The following GABRB1 variants were observed in gnomAD, a reference collection of about 807,000 sequenced individuals.
GABRB1 encodes the protein gamma-aminobutyric acid type A receptor subunit beta1.
GABRB1 carries 17 observed loss-of-function variants against 51.6 expected under a neutral mutation model. That is an observed-to-expected ratio of 0.33 (90% CI 0.23 to 0.49). GABRB1 has a LOEUF of 0.49. Ranked by LOEUF, GABRB1 falls within the 20% of genes least tolerant of loss-of-function variation. The pLI is 0.99. For missense variants in GABRB1, 410 were observed against 600.6 expected (o/e 0.68, Z 3.32); for synonymous variants, 247 against 218.9 (o/e 1.13, Z -1.14).
At chr4:47,419,347 A>ATG (rs1560378098) in intron 8 of GABRB1, among the ~76,000 whole-genome samples, 1 of 152,114 alleles carries the variant, frequency 6.6e-6, no homozygotes, top group Non-Finnish European at 1.5e-5. Context: ...CCCCTCTAAG[A>ATG]CTTGTCTGTG....
intron 4 of GABRB1, among the ~76,000 whole-genome samples, chr4:47,170,772 G>A (rs1718405720): frequency 6.6e-6 from 1 of 152,122 alleles, no homozygotes; most frequent in South Asian, 2.1e-4. Flanking sequence ...CGTACATAAA[G>A]AATAGGTAAC....
chr4:47,162,916 C>G (rs1487700420), intron 4 of GABRB1, among the ~76,000 whole-genome samples: 1 of 151,970 alleles, frequency 6.6e-6, no homozygotes, highest in African/African-American at 2.4e-5. Context: ...TTTCTGGCAC[C>G]AATTTTCTCT....
intron 4 of GABRB1, among the ~76,000 whole-genome samples, chr4:47,317,468 G>T (rs1406789210): frequency 1.3e-5 from 2 of 151,782 alleles, no homozygotes; most frequent in Non-Finnish European, 2.9e-5. Context: ...AAAGAATGTT[G>T]CAGAACTGTA....
chr4:47,167,407 G>GA (rs545206732), intron 4 of GABRB1, among the ~76,000 whole-genome samples: 50 of 136,712 alleles, frequency 3.7e-4, no homozygotes, highest in Middle Eastern at 4.0e-3. Flanking sequence ...TAACCTCCTT[G>GA]AAAAAAAAAA....
chr4:47,353,786 A>G (rs894767262), intron 5 of GABRB1, among the ~76,000 whole-genome samples: 1 of 152,194 alleles, frequency 6.6e-6, no homozygotes, highest in Non-Finnish European at 1.5e-5. Flanking sequence ...TCCCATAACC[A>G]GTAGTAACCG....
At chr4:47,355,690 CT>C (rs1439295747) in intron 5 of GABRB1, among the ~76,000 whole-genome samples, 2 of 152,176 alleles carry the variant, frequency 1.3e-5, no homozygotes, top group African/African-American at 4.8e-5. Context: ...GGCCTAATTA[CT>C]GTTTTCCTAA....
chr4:47,080,823 G>A (rs1402303972), intron 3 of GABRB1, among the ~76,000 whole-genome samples: 1 of 152,168 alleles, frequency 6.6e-6, no homozygotes, highest in Non-Finnish European at 1.5e-5. Flanking sequence ...GCTAAGAGAG[G>A]AGCTTTATGG....
At chr4:47,302,071 T>A (rs564919276) in intron 4 of GABRB1, among the ~76,000 whole-genome samples, 7 of 152,286 alleles carry the variant, frequency 4.6e-5, no homozygotes, top group Admixed American at 2.6e-4. Flanking sequence ...TTCGGATATG[T>A]ACTTTGCCAC....
At chr4:47,087,780 C>T (rs1728139961) in intron 3 of GABRB1, among the ~76,000 whole-genome samples, 1 of 152,066 alleles carries the variant, frequency 6.6e-6, no homozygotes, top group Admixed American at 6.5e-5. Flanking sequence ...TGTTTTAAGA[C>T]TTGTTTTCCT....
At chr4:47,155,471 A>C (rs1007987709) in intron 3 of GABRB1, among the ~76,000 whole-genome samples, 1 of 152,100 alleles carries the variant, frequency 6.6e-6, no homozygotes, top group African/African-American at 2.4e-5. Context: ...AATAGTTAGA[A>C]AAGGAGGAAT....
At chr4:47,219,644 T>C (rs1720693339) in intron 4 of GABRB1, among the ~76,000 whole-genome samples, 1 of 151,892 alleles carries the variant, frequency 6.6e-6, no homozygotes, top group African/African-American at 2.4e-5. Flanking sequence ...TCAACATTCA[T>C]GTTGTAAACT....
intron 5 of GABRB1, among the ~76,000 whole-genome samples, chr4:47,380,505 A>G (rs1181895936): frequency 6.6e-6 from 1 of 152,206 alleles, no homozygotes; most frequent in Non-Finnish European, 1.5e-5. Flanking sequence ...TTTAATTAGC[A>G]CTATGGGATG....
chr4:47,025,182 T>C (rs937148744), intron 1 of GABRB1, among the ~76,000 whole-genome samples: 1 of 151,514 alleles, frequency 6.6e-6, no homozygotes, highest in African/African-American at 2.4e-5. Context: ...ATTTTTGGAA[T>C]TGCAAATTGT....
At chr4:47,257,020 A>AT (rs1263426265) in intron 4 of GABRB1, among the ~76,000 whole-genome samples, 1 of 151,722 alleles carries the variant, frequency 6.6e-6, no homozygotes, top group South Asian at 2.1e-4. Flanking sequence ...TCCACTCTCC[A>AT]TTTTTTTCCA....
chr4:46,995,528 T>C (rs970034390), intron 1 of GABRB1, among the ~76,000 whole-genome samples: 12 of 152,196 alleles, frequency 7.9e-5, no homozygotes, highest in Non-Finnish European at 1.3e-4. Context: ...TCTGTTAATA[T>C]ATTTTTATAT....
At chr4:47,298,737 A>G (rs1277444842) in intron 4 of GABRB1, among the ~76,000 whole-genome samples, 1 of 152,190 alleles carries the variant, frequency 6.6e-6, no homozygotes, top group Non-Finnish European at 1.5e-5. Context: ...GGAAAAAACT[A>G]CTTTAAAGTT....
intron 3 of GABRB1, among the ~76,000 whole-genome samples, chr4:47,159,547 T>G (rs1185868075): frequency 6.6e-6 from 1 of 151,514 alleles, no homozygotes; most frequent in African/African-American, 2.4e-5. Flanking sequence ...TGGAAGGAGG[T>G]TTCATATCTT....
intron 4 of GABRB1, among the ~76,000 whole-genome samples, chr4:47,192,258 C>T (rs1157690703): frequency 6.6e-6 from 1 of 151,994 alleles, no homozygotes; most frequent in Non-Finnish European, 1.5e-5. Flanking sequence ...GTTGGCACTA[C>T]CTAACCAGTG....
chr4:47,165,837 C>T (rs1047023551), intron 4 of GABRB1, among the ~76,000 whole-genome samples: 1 of 152,136 alleles, frequency 6.6e-6, no homozygotes, highest in African/African-American at 2.4e-5. Flanking sequence ...AAAACTGGGC[C>T]GTCCTCCTTT....
Sources: allele counts gnomAD v4.1 joint callset (sites outside exome capture counted in the v4.1 genomes callset), GRCh38; gene constraint gnomAD v4.1.1; transcripts MANE v1.5; gene names NCBI Gene and HGNC (gene_info 2026-07-23, HGNC 2026-07-21).